ANKRD30B: variants seen among roughly 807,000 people sequenced by gnomAD.
The protein encoded by ANKRD30B is ankyrin repeat domain-containing protein 30B.
A neutral mutation model predicts 202.2 loss-of-function variants in ANKRD30B; 144 were observed. That is an observed-to-expected ratio of 0.71 (90% CI 0.62 to 0.82). ANKRD30B has a LOEUF of 0.82. Among genes scored for constraint, ANKRD30B ranks in the 40% least tolerant of loss-of-function variants. ANKRD30B has a pLI of 0.00. For synonymous variants in ANKRD30B, 508 were observed against 561.3 expected, an observed-to-expected ratio of 0.91 and a Z score of 1.34; for missense variants, 1,487 against 1,669.1, an observed-to-expected ratio of 0.89 and a Z score of 1.90.
chr18:14,799,344 A>T (rs1311989443), intron 22 of ANKRD30B, 49 bp downstream of exon 22: 1 of 1,437,400 alleles, frequency 7.0e-7, no homozygotes. Context: ...ATATTAAACT[A>T]TTTGAAATGC....
the ANKRD30B span, among the ~76,000 whole-genome samples, chr18:14,917,138 G>A: frequency 3.3e-5 from 5 of 152,110 alleles, no homozygotes; most frequent in East Asian, 1.9e-4. Flanking sequence ...CCCTGGCTGC[G>A]TCCTCCGGCC....
At chr18:14,823,970 C>T (rs1970562486) in intron 32 of ANKRD30B, among the ~76,000 whole-genome samples, 1 of 152,142 alleles carries the variant, frequency 6.6e-6, no homozygotes. Flanking sequence ...ACTCCCATCT[C>T]AAAAAGCAAA....
chr18:14,774,490 T>C (rs1453911848), intron 9 of ANKRD30B, among the ~76,000 whole-genome samples: 1 of 152,212 alleles, frequency 6.6e-6, no homozygotes, highest in Non-Finnish European at 1.5e-5. Flanking sequence ...TTAGTGGCTA[T>C]GTATGATTTT....
At chr18:14,836,275 G>A (rs1183739390) in intron 34 of ANKRD30B, among the ~76,000 whole-genome samples, 1 of 151,732 alleles carries the variant, frequency 6.6e-6, no homozygotes, top group African/African-American at 2.4e-5. Context: ...ATTTTTTTCT[G>A]ACTCTTTTCT....
the ANKRD30B span, among the ~76,000 whole-genome samples, chr18:14,931,738 T>A: frequency 1.3e-5 from 2 of 152,116 alleles, no homozygotes; most frequent in Admixed American, 6.5e-5. Flanking sequence ...CAGCCCCTTT[T>A]GATAGCTCAG....
chr18:14,774,416 T>C (rs1231512157), intron 9 of ANKRD30B, among the ~76,000 whole-genome samples: 1 of 152,196 alleles, frequency 6.6e-6, no homozygotes, highest in Non-Finnish European at 1.5e-5. Flanking sequence ...ATACATTTCT[T>C]CAGTGTCTGC....
At chr18:14,794,659 A>C (rs1168200635) in intron 16 of ANKRD30B, among the ~76,000 whole-genome samples, 2 of 152,206 alleles carry the variant, frequency 1.3e-5, no homozygotes, top group African/African-American at 4.8e-5. Flanking sequence ...TTTTATTTAA[A>C]GTGTATTGAA....
rs1401795375 is a variant in ANKRD30B at position 14,782,733 on chromosome 18, G to A, written c.1570+119G>A. Reference sequence around the variant, plus strand: ...CACTAAATACATAACATCGAAAAGAGAGGAGTAAAATGATAAGTTATGTAT... The same window carrying A: ...CACTAAATACATAACATCGAAAAGAAAGGAGTAAAATGATAAGTTATGTAT... On this transcript the variant is annotated intron_variant, in intron 12 of 43. Coordinates refer to ENST00000690538, the MANE Select transcript of ANKRD30B (RefSeq NM_001367607.2). 22 of 556,442 alleles carry A rather than the reference G, an allele frequency of 4.0e-5. No individual in the cohort carries two copies. In the South Asian group the frequency reaches 8.2e-4, roughly 21 times the overall value. The allele number at this position is 556,442 out of a possible 1,614,324, so 34.5% of individuals were successfully genotyped here.
intron 41 of ANKRD30B, among the ~76,000 whole-genome samples, chr18:14,851,237 GTT>G (rs375734323): frequency 2.1e-5 from 3 of 141,246 alleles, no homozygotes; most frequent in African/African-American, 7.8e-5. Context: ...TTCAGGGAAA[GTT>G]TTTTTTTTTT....
At chr18:14,785,805 G>A (rs1170222563) in intron 14 of ANKRD30B, among the ~76,000 whole-genome samples, 7 of 152,240 alleles carry the variant, frequency 4.6e-5, no homozygotes, top group South Asian at 2.1e-4. Flanking sequence ...TTGGGAGGCC[G>A]AGGCGGGTGG....
Position 14,781,326 on chromosome 18 carries a change from G to T in ANKRD30B, c.1483-1201G>T, listed in dbSNP as rs534137817. Among the ~76,000 whole-genome samples the T allele has an allele frequency of 2.0e-4, 21 of 106,430 alleles. No homozygotes were observed. The East Asian group carries it at 4.6e-3, about 23-fold the overall frequency. 69.8% of individuals were successfully genotyped at this position (106,430 alleles called of 152,430 possible). A position where few individuals can be genotyped will look rare whatever the true frequency, so the allele number is the denominator to read the frequency against. On this transcript the variant is annotated intron_variant, in intron 11 of 43. Transcript: ENST00000690538. ...TTTTTTTTTTTTGAGACAGAGTTTCGCTCAGTCGCCCAGGCTGGAGTGCAG... is the reference window on the plus strand; with the variant it reads ...TTTTTTTTTTTTGAGACAGAGTTTCTCTCAGTCGCCCAGGCTGGAGTGCAG...
the ANKRD30B span, among the ~76,000 whole-genome samples, chr18:14,928,884 A>G: frequency 6.6e-6 from 1 of 152,224 alleles, no homozygotes; most frequent in African/African-American, 2.4e-5. Flanking sequence ...GACTGCAGTC[A>G]CTTTTAGGTA....
intron 20 of ANKRD30B, among the ~76,000 whole-genome samples, chr18:14,798,296 T>C (rs1390216984): frequency 6.6e-6 from 1 of 151,942 alleles, no homozygotes; most frequent in Non-Finnish European, 1.5e-5. Context: ...GATTATGAGG[T>C]GAGATGGTCA....
intron 14 of ANKRD30B, among the ~76,000 whole-genome samples, chr18:14,786,380 A>G (rs1372927910): frequency 2.0e-5 from 3 of 152,208 alleles, no homozygotes; most frequent in African/African-American, 7.2e-5. Flanking sequence ...AGGTGTCACA[A>G]GCTGACTCTG....
chr18:14,832,998 G>A lies in ANKRD30B; in HGVS notation c.2847+1543G>A, dbSNP rs767522859. Among the ~76,000 whole-genome samples, 4 of 152,132 alleles carry A rather than the reference G, an allele frequency of 2.6e-5. No individual in the cohort carries two copies. The South Asian group carries it at 8.3e-4, about 32-fold the overall frequency. On this transcript the variant is annotated intron_variant, in intron 34 of 43. Transcript: ENST00000690538. The stretch of plus-strand genomic sequence containing the variant: ...GTCGCCCAGGTTGTAGTGCAGTGGC[G>A]TGATCTCGGCTGACTGCAACCTCTG...
At chr18:14,826,404 G>A (rs1314143688) in intron 32 of ANKRD30B, among the ~76,000 whole-genome samples, 1 of 152,094 alleles carries the variant, frequency 6.6e-6, no homozygotes, top group African/African-American at 2.4e-5. Context: ...CTGTTCAAAA[G>A]AATTATTTTA....
chr18:14,855,310 A>G (rs1232714484), downstream of ANKRD30B, among the ~76,000 whole-genome samples: 3 of 152,244 alleles, frequency 2.0e-5, no homozygotes, highest in African/African-American at 7.2e-5. Flanking sequence ...ACTTCTTTCT[A>G]CACAGACACA....
chr18:14,826,055 G>A (rs2066492391), intron 32 of ANKRD30B, among the ~76,000 whole-genome samples: 1 of 151,852 alleles, frequency 6.6e-6, no homozygotes, highest in Non-Finnish European at 1.5e-5. Flanking sequence ...GTAGGTAATT[G>A]GTTTATACGT....
At chr18:14,913,745 G>A in the ANKRD30B span, among the ~76,000 whole-genome samples, 2 of 152,192 alleles carry the variant, frequency 1.3e-5, no homozygotes, top group African/African-American at 4.8e-5. Context: ...AAGTGATGGG[G>A]TGAGGGTTTG....
Sources: gnomAD v4.1 joint callset for allele counts (sites outside exome capture counted in the v4.1 genomes callset) on GRCh38, gnomAD v4.1.1 for gene constraint, MANE v1.5 for transcripts, NCBI Gene and HGNC (gene_info 2026-07-23, HGNC 2026-07-21) for gene names.